SLC35F1: variants seen among roughly 807,000 people sequenced by gnomAD.
SLC35F1 encodes the protein solute carrier family 35 member F1.
SLC35F1 carries 14 observed loss-of-function variants against 48.7 expected under a neutral mutation model. That is an observed-to-expected ratio of 0.29 (90% confidence interval 0.19 to 0.45). The LOEUF (loss-of-function observed/expected upper bound fraction) is 0.45. SLC35F1 is among the 20% of genes least tolerant of loss of function. SLC35F1 has a pLI of 1.00. For synonymous variants in SLC35F1, 190 were observed against 202.2 expected, an observed-to-expected ratio of 0.94 and a Z score of 0.51; for missense variants, 404 against 500.0, an observed-to-expected ratio of 0.81 and a Z score of 1.83.
intron 2 of SLC35F1, among the ~76,000 whole-genome samples, chr6:118,166,550 AG>A (rs1229348408): frequency 6.6e-6 from 1 of 152,230 alleles, no homozygotes; most frequent in Non-Finnish European, 1.5e-5. Flanking sequence ...AAACTAAGTT[AG>A]ATCATTCAGA....
chr6:117,924,672 A>C (rs1033422106), intron 1 of SLC35F1, among the ~76,000 whole-genome samples: 1 of 152,018 alleles, frequency 6.6e-6, no homozygotes, highest in East Asian at 1.9e-4. Context: ...TTACTGTGAC[A>C]AGCTTTCTTT....
intron 2 of SLC35F1, among the ~76,000 whole-genome samples, chr6:118,189,007 G>C (rs996046774): frequency 2.0e-5 from 3 of 152,088 alleles, no homozygotes; most frequent in African/African-American, 7.2e-5. Flanking sequence ...GACCTCCTGG[G>C]CTCGAGCAAT....
Position 117,999,294 on chromosome 6 carries a change from G to A in SLC35F1, c.173+91395G>A, listed in dbSNP as rs368246877. On this transcript the variant is annotated intron_variant, in intron 1 of 7. Transcript: ENST00000360388. ...GTTGCCCACCCCAAGCTTGGGAAGC[G>A]TGCTCTTGCCCGTATTGCCAAGGGG... The A allele has an allele frequency of 3.7e-4, 595 of 1,596,138 alleles. 8 individuals are homozygous for A. The highest frequency in any genetic ancestry group is 2.8e-3 in the South Asian group (257 of 90,982).
intron 3 of SLC35F1, among the ~76,000 whole-genome samples, chr6:118,260,353 A>G (rs1775696801): frequency 6.6e-6 from 1 of 152,160 alleles, no homozygotes; most frequent in Non-Finnish European, 1.5e-5. Flanking sequence ...TGCATACTTT[A>G]AAAGGGTGAA....
At chr6:118,282,986 A>G (rs1485512036) in intron 6 of SLC35F1, among the ~76,000 whole-genome samples, 2 of 152,178 alleles carry the variant, frequency 1.3e-5, no homozygotes, top group African/African-American at 4.8e-5. Flanking sequence ...AATGTAGATC[A>G]GATTCTTTTA....
At chr6:118,152,507 T>C (rs552674854) in intron 1 of SLC35F1, among the ~76,000 whole-genome samples, 3 of 152,338 alleles carry the variant, frequency 2.0e-5, no homozygotes, top group South Asian at 2.1e-4. Context: ...GTGGCATATG[T>C]TGGCATGGTT....
chr6:117,973,846 T>C (rs781671678), intron 1 of SLC35F1, among the ~76,000 whole-genome samples: 10 of 152,204 alleles, frequency 6.6e-5, no homozygotes, highest in Admixed American at 1.3e-4. Context: ...TATCAATTAA[T>C]TTTTTAGTCC....
intron 1 of SLC35F1, among the ~76,000 whole-genome samples, chr6:117,979,157 C>T (rs10457323): frequency 0.21 from 32,283 of 152,218 alleles, 3,621 homozygotes; most frequent in East Asian, 0.3. Flanking sequence ...GGAAAGCTAG[C>T]GAAGAGCAGC....
intron 1 of SLC35F1, among the ~76,000 whole-genome samples, chr6:118,031,529 G>A (rs2114893290): frequency 6.6e-6 from 1 of 152,284 alleles, no homozygotes; most frequent in South Asian, 2.1e-4. Context: ...TAAAATCCTA[G>A]TGATGCAGGA....
intron 2 of SLC35F1, among the ~76,000 whole-genome samples, chr6:118,234,674 A>C (rs976431556): frequency 9.2e-5 from 14 of 152,204 alleles, no homozygotes; most frequent in Non-Finnish European, 1.9e-4. Flanking sequence ...CTTGTTACAC[A>C]GCCATAAATA....
intron 1 of SLC35F1, among the ~76,000 whole-genome samples, chr6:118,087,856 T>C (rs1045868263): frequency 6.6e-6 from 1 of 152,238 alleles, no homozygotes; most frequent in Non-Finnish European, 1.5e-5. Flanking sequence ...TGTAAGATAG[T>C]GAGCACCTTT....
At chr6:117,972,766 G>A (rs56023830) in intron 1 of SLC35F1, among the ~76,000 whole-genome samples, 8,663 of 152,166 alleles carry the variant, frequency 0.057, 285 homozygotes, top group African/African-American at 0.08. Context: ...TGACATGTGA[G>A]GATTATGGAA....
intron 1 of SLC35F1, among the ~76,000 whole-genome samples, chr6:117,909,357 A>G (rs892314240): frequency 6.6e-6 from 1 of 151,938 alleles, no homozygotes; most frequent in African/African-American, 2.4e-5. Flanking sequence ...AATATATTTT[A>G]ATTATTATTA....
intron 3 of SLC35F1, among the ~76,000 whole-genome samples, chr6:118,264,868 G>A (rs1049251441): frequency 6.6e-6 from 1 of 152,192 alleles, no homozygotes; most frequent in East Asian, 1.9e-4. Flanking sequence ...ACCTACCTTA[G>A]AGCATATTAC....
intron 1 of SLC35F1, among the ~76,000 whole-genome samples, chr6:117,945,064 G>A (rs1776279403): frequency 6.6e-6 from 1 of 152,144 alleles, no homozygotes. Flanking sequence ...CCATTTGGGG[G>A]AAGACAGATG....
intron 4 of SLC35F1, among the ~76,000 whole-genome samples, chr6:118,268,858 C>T (rs1010729958): frequency 1.1e-4 from 17 of 152,046 alleles, no homozygotes; most frequent in African/African-American, 3.1e-4. Flanking sequence ...GCTCCACCAG[C>T]CTCGGCCTCC....
At chr6:118,276,793 C>T (rs910603816) in intron 5 of SLC35F1, among the ~76,000 whole-genome samples, 3 of 152,132 alleles carry the variant, frequency 2.0e-5, no homozygotes, top group Non-Finnish European at 4.4e-5. Context: ...TGAGTGTTCC[C>T]TTTGGGGGAC....
intron 1 of SLC35F1, among the ~76,000 whole-genome samples, chr6:117,942,766 T>C (rs1776247773): frequency 6.6e-6 from 1 of 152,234 alleles, no homozygotes; most frequent in African/African-American, 2.4e-5. Context: ...GTGTTATTTC[T>C]ACTAAATCTA....
At chr6:118,021,003 A>G (rs1461882883) in intron 1 of SLC35F1, among the ~76,000 whole-genome samples, 2 of 152,192 alleles carry the variant, frequency 1.3e-5, no homozygotes, top group Non-Finnish European at 1.5e-5. Flanking sequence ...ATAAGGAATT[A>G]TCACAGGCTT....
Sources: gnomAD v4.1 joint callset for allele counts (sites outside exome capture counted in the v4.1 genomes callset) on GRCh38, gnomAD v4.1.1 for gene constraint, MANE v1.5 for transcripts, NCBI Gene and HGNC (gene_info 2026-07-23, HGNC 2026-07-21) for gene names.